CDCA2: variants seen among roughly 807,000 people sequenced by gnomAD.
CDCA2 encodes the protein cell division cycle associated 2, also known as cell division cycle-associated protein 2.
A neutral mutation model predicts 67.0 loss-of-function variants in CDCA2; 44 were observed. The observed-to-expected ratio is 0.66, with a 90% CI of 0.52 to 0.84. The LOEUF is 0.84. CDCA2 is among the 40% of genes least tolerant of loss of function. The pLI, the probability that CDCA2 is intolerant of heterozygous loss-of-function variation, is 0.00. For synonymous variants in CDCA2, 447 were observed against 418.7 expected (o/e 1.07, Z -0.82); for missense variants, 1,253 against 1,203.2 (o/e 1.04, Z -0.61).
chr8:25,463,239 A>G (rs561796294), intron 4 of CDCA2, among the ~76,000 whole-genome samples: 6 of 152,130 alleles, frequency 3.9e-5, no homozygotes, highest in Non-Finnish European at 8.8e-5. Context: ...ATGGGGATAT[A>G]TTTAGCTGTT....
At chr8:25,489,620 C>T (rs1321073961) in intron 13 of CDCA2, among the ~76,000 whole-genome samples, 2 of 152,140 alleles carry the variant, frequency 1.3e-5, no homozygotes, top group African/African-American at 2.4e-5. Flanking sequence ...CACTTTGCCG[C>T]TTCACTTCAT....
chr8:25,462,030 A>G (rs757849264), intron 3 of CDCA2, 24 bp from the exon 4 acceptor site: 7 of 1,606,464 alleles, frequency 4.4e-6, no homozygotes, highest in South Asian at 3.3e-5. Flanking sequence ...TTTTGTTCCA[A>G]TTTATAAGAG....
At chr8:25,479,526 G>A (rs142499793) in intron 7 of CDCA2, among the ~76,000 whole-genome samples, 2 of 152,226 alleles carry the variant, frequency 1.3e-5, no homozygotes, top group African/African-American at 2.4e-5. Context: ...TGACTCTAGC[G>A]GTAAAATTGC....
chr8:25,468,318 C>T lies in CDCA2; in HGVS notation c.640C>T (p.Leu214=), dbSNP rs937045928. ...CTATCAGAGAGACTCTGATGAAAATCTGACGGATGCTGAAGGAAAAGTAAT... is the reference window on the plus strand; with the variant it reads ...CTATCAGAGAGACTCTGATGAAAATTTGACGGATGCTGAAGGAAAAGTAAT... ...ISYQRDSDEN[L]TDAEGKVIGL... Residue 214 remains leucine (L), a synonymous_variant, in exon 6 of 15, where the codon CTG becomes TTG. Transcript: ENST00000330560. The T allele has an allele frequency of 6.8e-6, 11 of 1,612,204 alleles. No homozygotes were observed. Among genetic ancestry groups the T allele is most frequent in the Non-Finnish European group, 8.5e-6 (10 of 1,179,058 alleles).
At chr8:25,496,805 A>G (rs1296502296) in intron 13 of CDCA2, among the ~76,000 whole-genome samples, 1 of 152,204 alleles carries the variant, frequency 6.6e-6, no homozygotes, top group Admixed American at 6.5e-5. Flanking sequence ...ATCAATAGGA[A>G]TGTAAATTGC....
At chr8:25,499,347 C>G (rs1804379611) in intron 13 of CDCA2, among the ~76,000 whole-genome samples, 1 of 133,506 alleles carries the variant, frequency 7.5e-6, no homozygotes, top group Non-Finnish European at 1.5e-5. Flanking sequence ...CTCTGTCACC[C>G]AGGTGGAGTG....
intron 7 of CDCA2, among the ~76,000 whole-genome samples, chr8:25,477,673 T>A (rs547465908): frequency 6.6e-6 from 1 of 152,236 alleles, no homozygotes; most frequent in Non-Finnish European, 1.5e-5. Flanking sequence ...TCACATGCTG[T>A]TGACTTCAAA....
chr8:25,468,864 C>T (rs1015358722), intron 6 of CDCA2, among the ~76,000 whole-genome samples: 5 of 152,122 alleles, frequency 3.3e-5, no homozygotes, highest in African/African-American at 1.2e-4. Flanking sequence ...GAGTCTTGCA[C>T]TTATACCTGC....
chr8:25,472,342 C>A (rs963040898), intron 7 of CDCA2, among the ~76,000 whole-genome samples: 14 of 151,964 alleles, frequency 9.2e-5, no homozygotes, highest in African/African-American at 3.4e-4. Context: ...ACCTCTGCTT[C>A]CCAGGTTCAA....
rs570312392 is a variant in CDCA2 at position 25,468,400 on chromosome 8, T to C, written c.722T>C (p.Val241Ala). 1 of 1,610,580 alleles carries C rather than the reference T, an allele frequency of 6.2e-7. No individual in the cohort carries two copies. The highest frequency in any genetic ancestry group is 2.2e-5 in the East Asian group (1 of 44,808). The stretch of plus-strand genomic sequence containing the variant: ...AGAGCATGTGCAGTTGAAACTTCTG[T>C]AGATCTTTCTGAGGTAATTCACTTA... ...TDRACAVETS[V>A]DLSEISSKLG... Residue 241 changes from valine to alanine, a missense_variant, in exon 6 of 15, where the codon GTA (valine) becomes GCA (alanine). Physicochemically the swap from Val to Ala is moderately conservative, Grantham distance 64 (BLOSUM62 0). Coordinates refer to ENST00000330560, the MANE Select transcript of CDCA2 (RefSeq NM_152562.4).
At chr8:25,488,031 TATATATAAGC>T (rs1803850874) in intron 12 of CDCA2, among the ~76,000 whole-genome samples, 1 of 152,198 alleles carries the variant, frequency 6.6e-6, no homozygotes, top group East Asian at 1.9e-4. Flanking sequence ...AACTGGGAGT[TATATATAAGC>T]ATAACTCCCA....
At position 25,507,760 on chromosome 8, in the gene CDCA2, G is replaced by T; in HGVS notation, c.*22G>T. On this transcript the variant is annotated 3_prime_UTR_variant, in exon 15 of 15. Coordinates refer to ENST00000330560, the MANE Select transcript of CDCA2 (RefSeq NM_152562.4). ...GTAATTGACATTTCCTGCAGAGTCT[G>T]TGGCAAGAGGGAAAGTAACCATCTA... The T allele has an allele frequency of 3.1e-6, 5 of 1,593,894 alleles. No individual in the cohort carries two copies. Among genetic ancestry groups the T allele is most frequent in the Non-Finnish European group, 3.4e-6 (4 of 1,172,056 alleles).
intron 5 of CDCA2, among the ~76,000 whole-genome samples, chr8:25,466,824 C>G (rs1038873746): frequency 6.6e-6 from 1 of 152,004 alleles, no homozygotes; most frequent in Admixed American, 6.6e-5. Flanking sequence ...GGGAGGATCA[C>G]TTGAGGTCAG....
At chr8:25,483,062 T>A (rs756783936) in intron 8 of CDCA2, among the ~76,000 whole-genome samples, 1 of 152,196 alleles carries the variant, frequency 6.6e-6, no homozygotes, top group Non-Finnish European at 1.5e-5. Flanking sequence ...CCCATAGATA[T>A]TGAGCAATGA....
At chr8:25,491,867 G>A (rs1804017662) in intron 13 of CDCA2, among the ~76,000 whole-genome samples, 1 of 151,782 alleles carries the variant, frequency 6.6e-6, no homozygotes. Context: ...GCATGATCTT[G>A]GCTCACCACA....
At chr8:25,505,971 C>G (rs1179178328) in intron 14 of CDCA2, among the ~76,000 whole-genome samples, 3 of 152,162 alleles carry the variant, frequency 2.0e-5, no homozygotes, top group Admixed American at 6.5e-5. Context: ...AAACCTGGTT[C>G]TGTTTCGGAG....
chr8:25,461,846 G>A (rs1802701727), intron 3 of CDCA2, among the ~76,000 whole-genome samples: 1 of 152,212 alleles, frequency 6.6e-6, no homozygotes, highest in Non-Finnish European at 1.5e-5. Context: ...ACCAGGCACT[G>A]TTCTAGGAGC....
At chr8:25,473,239 C>A (rs1803228121) in intron 7 of CDCA2, among the ~76,000 whole-genome samples, 1 of 152,174 alleles carries the variant, frequency 6.6e-6, no homozygotes, top group South Asian at 2.1e-4. Flanking sequence ...ACCACGTTTT[C>A]TTTATCCATT....
intron 5 of CDCA2, among the ~76,000 whole-genome samples, chr8:25,467,302 A>G (rs1291651112): frequency 6.6e-6 from 1 of 152,120 alleles, no homozygotes; most frequent in East Asian, 1.9e-4. Context: ...AACCATCTTT[A>G]AGTGCATTTC....
Sources: gnomAD v4.1 joint callset for allele counts (sites outside exome capture counted in the v4.1 genomes callset) on GRCh38, gnomAD v4.1.1 for gene constraint, MANE v1.5 for transcripts, NCBI Gene and HGNC (gene_info 2026-07-23, HGNC 2026-07-21) for gene names.